The following ANO10 variants were observed in gnomAD, a reference collection of about 807,000 sequenced individuals.
ANO10 encodes anoctamin 10.
Under a neutral mutation model 74.7 loss-of-function variants are expected in ANO10, and 77 were observed. The ratio of observed to expected loss-of-function variants is 1.03; its 90% CI spans 0.86 to 1.25. The LOEUF (loss-of-function observed/expected upper bound fraction) is 1.25. Among genes scored for constraint, ANO10 ranks in the 50% most tolerant of loss-of-function variants. The pLI is 0.00. For synonymous variants in ANO10, 279 were observed against 284.9 expected (o/e 0.98, Z 0.21); for missense variants, 721 against 778.1 (o/e 0.93, Z 0.87).
rs913107733 is a variant in ANO10 at position 43,366,658 on chromosome 3, C to T, written c.*248G>A. 3.0e-5 allele frequency: 17 copies of T among 572,970 alleles called. No individual in the cohort carries two copies. The highest frequency in any genetic ancestry group is 1.3e-4 in the African/African-American group (7 of 53,218). 35.5% of individuals were successfully genotyped at this position (572,970 alleles called of 1,614,324 possible). A position where few individuals can be genotyped will look rare whatever the true frequency, so the allele number is the denominator to read the frequency against. On this transcript the variant is annotated 3_prime_UTR_variant, in exon 13 of 13. Transcript: ENST00000292246. ...GCAGCAAAGTTGGCAGCTGGAGCAG[C>T]GTGTGGGGCCCGGGAAGGAACTGGG...
At chr3:43,562,131 G>A (rs2080067950) in intron 8 of ANO10, among the ~76,000 whole-genome samples, 1 of 152,056 alleles carries the variant, frequency 6.6e-6, no homozygotes, top group African/African-American at 2.4e-5. Flanking sequence ...AGTACTTTGA[G>A]AGGCCAAGGC....
intron 12 of ANO10, among the ~76,000 whole-genome samples, chr3:43,367,536 C>T (rs2091455608): frequency 1.3e-5 from 2 of 152,144 alleles, no homozygotes; most frequent in Non-Finnish European, 2.9e-5. Context: ...CTCACCCCTC[C>T]GCCCCCATCC....
intron 11 of ANO10, among the ~76,000 whole-genome samples, chr3:43,518,090 C>T (rs1339550347): frequency 6.6e-6 from 1 of 152,150 alleles, no homozygotes; most frequent in East Asian, 1.9e-4. Flanking sequence ...GGGAATAATA[C>T]AGAAGCTCAG....
At chr3:43,688,698 G>A (rs1430213107) in intron 1 of ANO10, among the ~76,000 whole-genome samples, 1 of 152,078 alleles carries the variant, frequency 6.6e-6, no homozygotes, top group Non-Finnish European at 1.5e-5. Flanking sequence ...CAAAAAATTA[G>A]CTGGGCGTGG....
intron 1 of ANO10, among the ~76,000 whole-genome samples, chr3:43,621,197 A>G (rs2083374865): frequency 6.6e-6 from 1 of 152,194 alleles, no homozygotes; most frequent in African/African-American, 2.4e-5. Flanking sequence ...TACAGAAGGC[A>G]GCGCACACCA....
At chr3:43,580,551 A>G in intron 4 of ANO10, 79 bp from the exon 5 acceptor site, 1 of 1,570,092 alleles carries the variant, frequency 6.4e-7, no homozygotes, top group South Asian at 1.1e-5. Context: ...TACTATAAGG[A>G]CACTCCACAG....
rs1012866867 is a variant in ANO10, at chr3:43,502,029, G to A, written c.1797+47691C>T. Among the ~76,000 whole-genome samples the A allele has an allele frequency of 5.9e-5, 9 of 152,180 alleles. No homozygotes were observed. In the South Asian group the frequency reaches 8.3e-4, roughly 14 times the overall value. On this transcript the variant is annotated intron_variant, in intron 11 of 12. Transcript: ENST00000292246. ...AAATAACAAGTGTTGGTGAGAATAC[G>A]GAGAAATTGGAATCCTTGTGCATTG...
At chr3:43,428,234 G>C (rs2148930193) in intron 12 of ANO10, among the ~76,000 whole-genome samples, 1 of 152,100 alleles carries the variant, frequency 6.6e-6, no homozygotes, top group East Asian at 1.9e-4. Context: ...ATTTTTAGTA[G>C]AGACAGGGTT....
In ANO10 at chr3:43,451,391, G is replaced by A. The variant is rs80203364; in HGVS notation, c.1798-18664C>T. 3.5e-3 allele frequency among the ~76,000 whole-genome samples: 528 copies of A among 152,274 alleles called. 2 individuals carry two copies. Among genetic ancestry groups the A allele is most frequent in the Middle Eastern group, 0.01 (3 of 294 alleles). ...AGCTTCAGAGCTCCCTATGAAATCA[G>A]CTGAGGCGTTGTTGCCCAACTTCTC... is the stretch of plus-strand genomic sequence containing the variant. On this transcript the variant is annotated intron_variant, in intron 11 of 12. Transcript: ENST00000292246.
At chr3:43,615,351 T>C (rs1358582137) in intron 1 of ANO10, among the ~76,000 whole-genome samples, 3 of 141,210 alleles carry the variant, frequency 2.1e-5, no homozygotes, top group Non-Finnish European at 4.6e-5. Context: ...CATGTGTATA[T>C]GCACACATCA....
intron 11 of ANO10, among the ~76,000 whole-genome samples, chr3:43,458,913 G>C (rs1352166143): frequency 2.0e-5 from 3 of 152,056 alleles, no homozygotes; most frequent in Non-Finnish European, 2.9e-5. Context: ...GTGGTGTTTG[G>C]TTTTCTGTTC....
rs534255096 is a variant in ANO10, at chr3:43,668,281, G to GT, written c.-12+23235dup. On this transcript the variant is annotated intron_variant, in intron 1 of 3. Coordinates refer to the ANO10 transcript ENST00000413397. ...CCTTAGCCCACATTTTTATGGGATT[G>GT]TTTTTTTTTTCTTGCTGATTTGAGT... Among the ~76,000 whole-genome samples the GT allele has an allele frequency of 2.3e-3, 340 of 147,220 alleles. 1 individual carries two copies. The highest frequency in any genetic ancestry group is 3.0e-3 in the Non-Finnish European group (202 of 66,312).
chr3:43,678,995 C>T (rs1047016549), intron 1 of ANO10, among the ~76,000 whole-genome samples: 4 of 152,148 alleles, frequency 2.6e-5, no homozygotes, highest in African/African-American at 9.7e-5. Flanking sequence ...CAGCTGCAGT[C>T]TACAGCTCCC....
intron 11 of ANO10, among the ~76,000 whole-genome samples, chr3:43,457,859 G>T (rs1418057591): frequency 2.6e-5 from 4 of 152,166 alleles, no homozygotes; most frequent in African/African-American, 9.7e-5. Flanking sequence ...GTGCAACATG[G>T]AGAGTTCTGC....
intron 11 of ANO10, among the ~76,000 whole-genome samples, chr3:43,518,700 A>G (rs2077817915): frequency 6.6e-6 from 1 of 152,150 alleles, no homozygotes; most frequent in Non-Finnish European, 1.5e-5. Flanking sequence ...TTATATGTCG[A>G]TAAGGGATGA....
chr3:43,651,344 C>T (rs138431078), intron 1 of ANO10, among the ~76,000 whole-genome samples: 4 of 152,226 alleles, frequency 2.6e-5, no homozygotes, highest in Admixed American at 6.5e-5. Flanking sequence ...TAATCTTACG[C>T]CATAAAGACA....
chr3:43,649,785 A>AG (rs1208882728), intron 1 of ANO10, among the ~76,000 whole-genome samples: 1 of 151,860 alleles, frequency 6.6e-6, no homozygotes, highest in African/African-American at 2.4e-5. Flanking sequence ...GAGTTCCCTG[A>AG]CCCCCCTTGC....
intron 1 of ANO10, among the ~76,000 whole-genome samples, chr3:43,680,626 T>A (rs1372602800): frequency 1.3e-5 from 2 of 152,018 alleles, no homozygotes; most frequent in Non-Finnish European, 2.9e-5. Flanking sequence ...AAGACACATA[T>A]TTGTCACATT....
intron 11 of ANO10, among the ~76,000 whole-genome samples, chr3:43,531,454 T>G (rs1240428467): frequency 4.6e-5 from 7 of 152,110 alleles, no homozygotes; most frequent in Non-Finnish European, 2.9e-5. Flanking sequence ...TATGGAAGAG[T>G]CTTTTCTTGC....
Sources: allele counts gnomAD v4.1 joint callset (sites outside exome capture counted in the v4.1 genomes callset), GRCh38; gene constraint gnomAD v4.1.1; transcripts MANE v1.5; gene names NCBI Gene and HGNC (gene_info 2026-07-23, HGNC 2026-07-21).